The following PTGR1 variants were observed in gnomAD, a reference collection of about 807,000 sequenced individuals.
The protein encoded by PTGR1 is prostaglandin reductase 1.
Under a neutral mutation model 37.7 loss-of-function variants are expected in PTGR1, and 23 were observed. The observed-to-expected ratio is 0.61, with a 90% CI of 0.44 to 0.86. PTGR1 has a LOEUF of 0.86. Among genes scored for constraint, PTGR1 ranks in the 40% least tolerant of loss-of-function variants. The pLI is 0.00. For synonymous variants in PTGR1, 134 were observed against 140.0 expected, an observed-to-expected ratio of 0.96 and a Z score of 0.30; for missense variants, 351 against 394.3, an observed-to-expected ratio of 0.89 and a Z score of 0.93.
At chr9:111,573,840 G>C (rs1828939099) in intron 8 of PTGR1, among the ~76,000 whole-genome samples, 1 of 152,140 alleles carries the variant, frequency 6.6e-6, no homozygotes, top group Non-Finnish European at 1.5e-5. Flanking sequence ...TCAGAGTGTG[G>C]AGCGGGAGGG....
chr9:111,578,411 C>T (rs534087004), intron 7 of PTGR1, among the ~76,000 whole-genome samples: 51 of 152,272 alleles, frequency 3.3e-4, no homozygotes, highest in Middle Eastern at 3.4e-3. Context: ...TGCAACTAGA[C>T]GGTCCCATCT....
intron 7 of PTGR1, among the ~76,000 whole-genome samples, chr9:111,575,620 A>G (rs1829022825): frequency 6.6e-6 from 1 of 152,268 alleles, no homozygotes; most frequent in Non-Finnish European, 1.5e-5. Flanking sequence ...TTGGTTTTCT[A>G]CAGAAGTGCT....
chr9:111,561,983 T>A (rs1295748721), downstream of PTGR1, among the ~76,000 whole-genome samples: 1 of 152,080 alleles, frequency 6.6e-6, no homozygotes, highest in African/African-American at 2.4e-5. Flanking sequence ...CCTCCTGGGC[T>A]CAAGCGATTT....
intron 9 of PTGR1, among the ~76,000 whole-genome samples, chr9:111,567,471 C>G (rs1828615408): frequency 6.6e-6 from 1 of 152,166 alleles, no homozygotes; most frequent in South Asian, 2.1e-4. Flanking sequence ...AAGTGTGAAC[C>G]ACCGTGCCAG....
chr9:111,575,262 A>C (rs1829009355), intron 7 of PTGR1: 1 of 153,706 alleles, frequency 6.5e-6, no homozygotes, highest in African/African-American at 2.4e-5. Context: ...AGATCACACT[A>C]CTGCACTCCA....
intron 5 of PTGR1, among the ~76,000 whole-genome samples, chr9:111,585,019 G>A (rs1271422211): frequency 6.6e-6 from 1 of 151,846 alleles, no homozygotes; most frequent in East Asian, 1.9e-4. Flanking sequence ...GCCACTTGCA[G>A]AATTTCAGAC....
intron 3 of PTGR1, among the ~76,000 whole-genome samples, 166 bp downstream of exon 3, chr9:111,594,056 T>C (rs1374793810): frequency 6.6e-6 from 1 of 151,958 alleles, no homozygotes; most frequent in Non-Finnish European, 1.5e-5. Context: ...ACTTAGACCT[T>C]TGCCTGCAAA....
At chr9:111,554,540 T>C (rs1828065279) in intron 9 of PTGR1, among the ~76,000 whole-genome samples, 3 of 152,130 alleles carry the variant, frequency 2.0e-5, no homozygotes, top group Admixed American at 2.0e-4. Flanking sequence ...CAACCTCAGA[T>C]AGTACCAAAC....
intron 9 of PTGR1, among the ~76,000 whole-genome samples, chr9:111,567,564 C>A (rs1037797381): frequency 1.3e-5 from 2 of 149,852 alleles, no homozygotes; most frequent in Non-Finnish European, 2.9e-5. Flanking sequence ...GAGACTGGGC[C>A]AAGTAAATAA....
intron 9 of PTGR1, among the ~76,000 whole-genome samples, chr9:111,569,472 G>A (rs930745026): frequency 3.3e-5 from 5 of 152,212 alleles, no homozygotes; most frequent in Non-Finnish European, 5.9e-5. Context: ...AGGGTCCCCT[G>A]TGACCTTGAC....
At position 111,594,285 on chromosome 9, in the gene PTGR1, C is replaced by T. The variant is rs1829711455; in HGVS notation, c.107-18G>A. 1.1e-5 allele frequency: 18 copies of T among 1,610,420 alleles called. No homozygotes were observed. The highest frequency in any genetic ancestry group is 1.5e-5 in the Non-Finnish European group (18 of 1,177,034). Reference sequence around the variant, plus strand: ...CAGGACCTCTACAAAATAAAGCATTCCATAGGCAATTAGAAACTCAAGGCC... The same window carrying T: ...CAGGACCTCTACAAAATAAAGCATTTCATAGGCAATTAGAAACTCAAGGCC... On this transcript the variant is annotated intron_variant, in intron 2 of 9. Transcript: ENST00000407693.
At chr9:111,554,045 A>AC (rs1380321166) in intron 9 of PTGR1, among the ~76,000 whole-genome samples, 1 of 152,228 alleles carries the variant, frequency 6.6e-6, no homozygotes, top group Non-Finnish European at 1.5e-5. Context: ...GCTGAGAACC[A>AC]CAGGTTTCAA....
At chr9:111,579,664 C>T (rs1000448330) in intron 6 of PTGR1, among the ~76,000 whole-genome samples, 7 of 152,090 alleles carry the variant, frequency 4.6e-5, no homozygotes, top group African/African-American at 1.4e-4. Context: ...TCCTAAAGTG[C>T]CCAGGCTGAT....
downstream of PTGR1, among the ~76,000 whole-genome samples, chr9:111,560,972 TATAGAGAGAGAGAGAGAGAG>T (rs1213725758): frequency 4.7e-5 from 1 of 21,320 alleles, no homozygotes; most frequent in Non-Finnish European, 8.5e-5. Flanking sequence ...TATATATATA[TATAGAGAGAGAGAGAGAGAG>T]AGAGAGAGAG....
At chr9:111,575,065 T>C (rs1442684325) in intron 7 of PTGR1, among the ~76,000 whole-genome samples, 1 of 152,082 alleles carries the variant, frequency 6.6e-6, no homozygotes, top group Non-Finnish European at 1.5e-5. Flanking sequence ...CTTTGGAAGG[T>C]TGAGGTGGGT....
downstream of PTGR1, among the ~76,000 whole-genome samples, chr9:111,559,592 A>ACT (rs1828216427): frequency 6.6e-6 from 1 of 151,808 alleles, no homozygotes; most frequent in African/African-American, 2.4e-5. Context: ...GTCCACACAC[A>ACT]CACACTCACA....
At chr9:111,562,271 GT>G (rs1828349782), downstream of PTGR1, among the ~76,000 whole-genome samples, 1 of 144,032 alleles carries the variant, frequency 6.9e-6, no homozygotes, top group East Asian at 2.0e-4. Context: ...CACAGAAGCA[GT>G]AAACTTTTTT....
At chr9:111,579,399 A>T (rs992217133) in intron 6 of PTGR1, among the ~76,000 whole-genome samples, 1 of 151,770 alleles carries the variant, frequency 6.6e-6, no homozygotes, top group Non-Finnish European at 1.5e-5. Context: ...GATTTTTTAA[A>T]TGTTTATATT....
intron 9 of PTGR1, among the ~76,000 whole-genome samples, chr9:111,554,385 C>A (rs1209911072): frequency 6.6e-6 from 1 of 152,204 alleles, no homozygotes; most frequent in Non-Finnish European, 1.5e-5. Flanking sequence ...TGAAATACAG[C>A]TTTCCCCTCA....
Sources: allele counts gnomAD v4.1 joint callset (sites outside exome capture counted in the v4.1 genomes callset), GRCh38; gene constraint gnomAD v4.1.1; transcripts MANE v1.5; gene names NCBI Gene and HGNC (gene_info 2026-07-23, HGNC 2026-07-21).